NFKB1: variants seen among roughly 807,000 people sequenced by gnomAD.
NFKB1 encodes the protein nuclear factor kappa B subunit 1.
In NFKB1, 9 loss-of-function variants were observed where a neutral mutation model predicts 105.1. The ratio of observed to expected loss-of-function variants is 0.09; its 90% CI spans 0.05 to 0.15. The LOEUF is 0.15. Among genes scored for constraint, NFKB1 ranks in the 10% least tolerant of loss-of-function variants. NFKB1 has a pLI of 1.00. For missense variants in NFKB1, 830 were observed against 1,203.7 expected (o/e 0.69, Z 4.59); for synonymous variants, 440 against 442.2 (o/e 1.00, Z 0.06).
At chr4:102,555,175 A>G (rs936050349) in intron 5 of NFKB1, among the ~76,000 whole-genome samples, 15 of 152,132 alleles carry the variant, frequency 9.9e-5, no homozygotes, top group Admixed American at 3.9e-4. Context: ...AGGGAGATGA[A>G]CCCTGCCAAA....
intron 15 of NFKB1, among the ~76,000 whole-genome samples, chr4:102,600,341 T>A (rs1727033907): frequency 6.6e-6 from 1 of 152,232 alleles, no homozygotes; most frequent in Admixed American, 6.5e-5. Flanking sequence ...GCAAGAATTT[T>A]CTTCCAGTAG....
At position 102,596,264 on chromosome 4, in the gene NFKB1, C is replaced by T. The variant is rs368857298; in HGVS notation, c.1427C>T (p.Thr476Ile). ...CAAGATCAGGAGCCCAGCGAGGCCA[C>T]CGTTGGGAATGGTGAGGTCACTCTA... ...TEQDQEPSEA[T>I]VGNGEVTLTY... The change falls in exon 14 of 24, where the codon ACC becomes ATC. Residue 476 changes from threonine to isoleucine, a missense_variant. By Grantham distance (89) the Thr-to-Ile change is moderately conservative. Around this residue, in one of 8 missense-constraint regions of NFKB1, gnomAD observed 163 missense variants for 164.3 expected, o/e 0.99. Coordinates refer to ENST00000226574, the MANE Select transcript of NFKB1 (RefSeq NM_003998.4). 3.5e-5 allele frequency: 56 copies of T among 1,613,530 alleles called. No individual in the cohort carries two copies. The highest frequency in any genetic ancestry group is 4.5e-5 in the Non-Finnish European group (53 of 1,179,680).
chr4:102,613,636 G>A, intron 23 of NFKB1, 55 bp downstream of exon 23: 1 of 1,562,008 alleles, frequency 6.4e-7, no homozygotes, highest in South Asian at 1.2e-5. Flanking sequence ...CCAGGCTGGT[G>A]TCTTCAGCTC....
intron 5 of NFKB1, among the ~76,000 whole-genome samples, chr4:102,543,673 G>T (rs757640643): frequency 6.6e-6 from 1 of 150,898 alleles, no homozygotes; most frequent in Non-Finnish European, 1.5e-5. Flanking sequence ...AGTTTCTGTC[G>T]AGGTCGAATA....
intron 9 of NFKB1, 65 bp from the exon 10 acceptor site, chr4:102,582,801 T>C: frequency 1.9e-6 from 2 of 1,054,516 alleles, no homozygotes; most frequent in Non-Finnish European, 2.8e-6. Context: ...GTTTTATTTT[T>C]CAGCATGTTT....
rs149882943 is a variant in NFKB1 at position 102,604,323 on chromosome 4, G to C, written c.1753-2173G>C. Among the ~76,000 whole-genome samples, 633 of 152,120 alleles carry C rather than the reference G, an allele frequency of 4.2e-3. 5 individuals are homozygous for C. The highest frequency in any genetic ancestry group is 0.015 in the African/African-American group (605 of 41,486). Reference sequence around the variant, plus strand: ...TTAATTTAATTATAGATTCAAAGGAGGTTACAAAAACGTACTAGGAAGTCC... The same window carrying C: ...TTAATTTAATTATAGATTCAAAGGACGTTACAAAAACGTACTAGGAAGTCC... On this transcript the variant is annotated intron_variant, in intron 16 of 23. Coordinates refer to ENST00000226574, the MANE Select transcript of NFKB1 (RefSeq NM_003998.4).
chr4:102,516,052 G>T (rs182310994), intron 1 of NFKB1, among the ~76,000 whole-genome samples: 102 of 151,948 alleles, frequency 6.7e-4, no homozygotes, highest in Non-Finnish European at 1.2e-3. Flanking sequence ...CACTGTAAAG[G>T]TGCCTTTACA....
intron 6 of NFKB1, among the ~76,000 whole-genome samples, chr4:102,570,104 ACT>A (rs942211659): frequency 1.3e-5 from 2 of 151,942 alleles, no homozygotes; most frequent in East Asian, 1.9e-4. Flanking sequence ...TAATCACCAC[ACT>A]CTCTCTGCTT....
At chr4:102,542,510 C>T (rs1742067998) in intron 5 of NFKB1, among the ~76,000 whole-genome samples, 1 of 152,124 alleles carries the variant, frequency 6.6e-6, no homozygotes, top group Admixed American at 6.5e-5. Flanking sequence ...CTCTCTCTCT[C>T]TCTCTGTCCT....
At chr4:102,608,279 T>C (rs1012425742) in intron 19 of NFKB1, among the ~76,000 whole-genome samples, 1 of 152,242 alleles carries the variant, frequency 6.6e-6, no homozygotes, top group Non-Finnish European at 1.5e-5. Flanking sequence ...CACTGTGATA[T>C]GCACTTTATG....
chr4:102,609,240 A>T (rs1218875761), intron 19 of NFKB1, among the ~76,000 whole-genome samples: 2 of 152,090 alleles, frequency 1.3e-5, no homozygotes, highest in Non-Finnish European at 2.9e-5. Flanking sequence ...ATGAAAGGAA[A>T]AGCAAGTAAC....
intron 11 of NFKB1, among the ~76,000 whole-genome samples, chr4:102,586,340 A>G (rs1725711435): frequency 6.6e-6 from 1 of 152,168 alleles, no homozygotes; most frequent in African/African-American, 2.4e-5. Context: ...GGAACAAGGG[A>G]GCAAAAGTAG....
chr4:102,579,262 G>A (rs1023190322), intron 8 of NFKB1, among the ~76,000 whole-genome samples: 3 of 152,032 alleles, frequency 2.0e-5, no homozygotes, highest in Non-Finnish European at 1.5e-5. Flanking sequence ...TTTTTCCTTT[G>A]ATGTACATTT....
At chr4:102,596,380 C>A in intron 14 of NFKB1, 48 bp downstream of exon 14, 1 of 1,503,006 alleles carries the variant, frequency 6.7e-7, no homozygotes, top group Non-Finnish European at 9.1e-7. Flanking sequence ...GGGGAGGGGT[C>A]AGTCCTAGGT....
Position 102,526,731 on chromosome 4 carries a change from CT to C in NFKB1, c.39+1177del, listed in dbSNP as rs2149114547. On this transcript the variant is annotated intron_variant, in intron 2 of 23. Transcript: ENST00000226574. ...GAGTCAAAAATATTCAATGAATGTG[CT>C]TTGTAAGCATAAAACTGTTCCTATC... Among the ~76,000 whole-genome samples, 2 of 152,182 alleles carry C rather than the reference CT, an allele frequency of 1.3e-5. 1 individual carries two copies. Among genetic ancestry groups the C allele is most frequent in the South Asian group, 4.2e-4 (2 of 4,816 alleles).
chr4:102,558,713 C>T (rs1231219506), intron 5 of NFKB1, among the ~76,000 whole-genome samples: 4 of 152,002 alleles, frequency 2.6e-5, no homozygotes, highest in Non-Finnish European at 4.4e-5. Context: ...TGCAGTGGTG[C>T]GATCATAGCC....
At chr4:102,591,383 G>C (rs1244177897) in intron 11 of NFKB1, among the ~76,000 whole-genome samples, 3 of 143,176 alleles carry the variant, frequency 2.1e-5, no homozygotes, top group Non-Finnish European at 4.5e-5. Context: ...TTGCACCACT[G>C]CACTCCAGCC....
intron 12 of NFKB1, 33 bp from the exon 13 acceptor site, chr4:102,594,859 A>G: frequency 6.8e-7 from 1 of 1,465,504 alleles, no homozygotes; most frequent in South Asian, 1.1e-5. Flanking sequence ...AAATATCTTC[A>G]TGATGTTTCA....
At chr4:102,524,162 GAAT>G (rs1006452886) in intron 1 of NFKB1, among the ~76,000 whole-genome samples, 6 of 151,342 alleles carry the variant, frequency 4.0e-5, no homozygotes, top group Non-Finnish European at 7.4e-5. Context: ...ACCTTTATTT[GAAT>G]AATAATAAGG....
Sources: gnomAD v4.1 joint callset for allele counts (sites outside exome capture counted in the v4.1 genomes callset) on GRCh38, gnomAD v4.1.1 for gene constraint, gnomAD v4.1.1 regional missense constraint, MANE v1.5 for transcripts, NCBI Gene and HGNC (gene_info 2026-07-23, HGNC 2026-07-21) for gene names.